DPP10: variants seen among roughly 807,000 people sequenced by gnomAD.
DPP10 encodes the protein inactive dipeptidyl peptidase 10.
A neutral mutation model predicts 120.9 loss-of-function variants in DPP10; 33 were observed. The observed-to-expected ratio is 0.27, with a 90% CI of 0.21 to 0.37. The LOEUF is 0.37. Among genes scored for constraint, DPP10 ranks in the 10% least tolerant of loss-of-function variants. The pLI is 1.00. For synonymous variants in DPP10, 337 were observed against 326.1 expected (o/e 1.03, Z -0.36); for missense variants, 816 against 942.8 (o/e 0.87, Z 1.76).
intron 1 of DPP10, among the ~76,000 whole-genome samples, chr2:114,810,544 A>T (rs532040114): frequency 2.0e-5 from 3 of 152,366 alleles, no homozygotes; most frequent in African/African-American, 7.2e-5. Context: ...CACTTGGTTA[A>T]GTCTGGAATA....
intron 1 of DPP10, among the ~76,000 whole-genome samples, chr2:115,240,209 A>G (rs993029109): frequency 6.6e-6 from 1 of 151,932 alleles, no homozygotes; most frequent in Non-Finnish European, 1.5e-5. Context: ...ACTAATTTGC[A>G]CTCCCACCAA....
chr2:114,942,782 G>C (rs926696969), intron 1 of DPP10, among the ~76,000 whole-genome samples: 1 of 152,006 alleles, frequency 6.6e-6, no homozygotes, highest in African/African-American at 2.4e-5. Context: ...AAAGAACAAA[G>C]TTTTTATGAG....
chr2:115,837,675 A>G (rs1267276019), intron 24 of DPP10, among the ~76,000 whole-genome samples: 1 of 152,136 alleles, frequency 6.6e-6, no homozygotes, highest in Non-Finnish European at 1.5e-5. Context: ...ACTGTTATTA[A>G]ATGCCCTTGA....
At chr2:114,583,511 T>C (rs1690709861) in intron 1 of DPP10, among the ~76,000 whole-genome samples, 1 of 152,362 alleles carries the variant, frequency 6.6e-6, no homozygotes, top group South Asian at 2.1e-4. Context: ...ATATGTATAA[T>C]CAGATTTTAA....
At chr2:115,276,378 A>G (rs1023690973) in intron 1 of DPP10, among the ~76,000 whole-genome samples, 28 of 152,168 alleles carry the variant, frequency 1.8e-4, no homozygotes, top group African/African-American at 6.8e-4. Context: ...CAAGCAGAAA[A>G]CACATTATAT....
chr2:115,028,901 T>C (rs1211681649), intron 1 of DPP10, among the ~76,000 whole-genome samples: 2 of 152,112 alleles, frequency 1.3e-5, no homozygotes, highest in Admixed American at 6.6e-5. Flanking sequence ...GTTTCCACTT[T>C]CACAGAATGG....
chr2:115,444,391 A>G (rs1048864687), intron 3 of DPP10, among the ~76,000 whole-genome samples: 1 of 152,218 alleles, frequency 6.6e-6, no homozygotes, highest in Non-Finnish European at 1.5e-5. Context: ...AGATCTTTGA[A>G]CATAATTAAG....
chr2:115,053,894 T>C (rs1038933812), intron 1 of DPP10, among the ~76,000 whole-genome samples: 2 of 152,224 alleles, frequency 1.3e-5, no homozygotes, highest in African/African-American at 4.8e-5. Flanking sequence ...AGTTAACTGT[T>C]TGCAACTAGC....
At chr2:114,626,845 C>T (rs1007687125) in intron 1 of DPP10, among the ~76,000 whole-genome samples, 3 of 152,102 alleles carry the variant, frequency 2.0e-5, no homozygotes, top group Admixed American at 2.0e-4. Context: ...ATTAAGAGAT[C>T]ACTTAATACT....
chr2:115,353,347 G>T (rs1205444338), intron 3 of DPP10, among the ~76,000 whole-genome samples: 2 of 152,020 alleles, frequency 1.3e-5, no homozygotes, highest in Non-Finnish European at 2.9e-5. Context: ...GTGTGTTCGG[G>T]GCCTCTCTAT....
intron 5 of DPP10, among the ~76,000 whole-genome samples, chr2:115,586,881 T>A (rs1188567435): frequency 1.3e-5 from 2 of 152,082 alleles, no homozygotes; most frequent in African/African-American, 4.8e-5. Context: ...ATTTTAAAAT[T>A]TTTGACTGAC....
chr2:115,336,552 A>G (rs994521709), intron 2 of DPP10, among the ~76,000 whole-genome samples: 4 of 147,080 alleles, frequency 2.7e-5, no homozygotes, highest in Non-Finnish European at 6.0e-5. Flanking sequence ...ACTTTCATAC[A>G]TGTGTACTCT....
chr2:115,817,028 C>T (rs980960174), intron 21 of DPP10, among the ~76,000 whole-genome samples: 1 of 151,294 alleles, frequency 6.6e-6, no homozygotes, highest in African/African-American at 2.4e-5. Flanking sequence ...GCGGGAGGAT[C>T]ATGAGGTCAG....
At chr2:115,380,041 G>C (rs1045717538) in intron 3 of DPP10, among the ~76,000 whole-genome samples, 1 of 152,136 alleles carries the variant, frequency 6.6e-6, no homozygotes, top group African/African-American at 2.4e-5. Context: ...CATTTGGGGT[G>C]GAGAGTTCTG....
intron 1 of DPP10, among the ~76,000 whole-genome samples, chr2:115,119,671 A>T (rs1400172): frequency 2.0e-5 from 3 of 151,988 alleles, no homozygotes; most frequent in East Asian, 1.9e-4. Context: ...CCAAGGGAGA[A>T]GGGCAGGAAT....
chr2:114,550,486 C>T (rs571670522), intron 1 of DPP10, among the ~76,000 whole-genome samples: 3 of 152,316 alleles, frequency 2.0e-5, no homozygotes, highest in East Asian at 1.9e-4. Context: ...GCTGGGACTT[C>T]GACCAGACAT....
At position 114,737,953 on chromosome 2, in the gene DPP10, G is replaced by A. The variant is rs76822846; in HGVS notation, c.60+295115G>A. ...TTTGTAAAGAAAAGAGGTTTAATGC[G>A]TTCACGGTTCTGCAGGTTGTAGAGG... On this transcript the variant is annotated intron_variant, in intron 1 of 25. Transcript: ENST00000410059. Among the ~76,000 whole-genome samples the A allele has an allele frequency of 3.1e-3, 477 of 152,342 alleles. 3 individuals carry two copies. Among genetic ancestry groups the A allele is most frequent in the Admixed American group, 9.8e-3 (150 of 15,306 alleles).
chr2:115,023,883 AT>A (rs1703258955), intron 1 of DPP10, among the ~76,000 whole-genome samples: 1 of 152,126 alleles, frequency 6.6e-6, no homozygotes, highest in Non-Finnish European at 1.5e-5. Context: ...ATTGGAGACT[AT>A]TTTTTAAGTA....
chr2:115,496,200 G>T, intron 3 of DPP10, among the ~76,000 whole-genome samples: 1 of 151,818 alleles, frequency 6.6e-6, no homozygotes, highest in East Asian at 1.9e-4. Flanking sequence ...AAAACCCCAA[G>T]AAAATTAATA....
Sources: gnomAD v4.1 joint callset for allele counts (sites outside exome capture counted in the v4.1 genomes callset) on GRCh38, gnomAD v4.1.1 for gene constraint, MANE v1.5 for transcripts, NCBI Gene and HGNC (gene_info 2026-07-23, HGNC 2026-07-21) for gene names.